EPM2A: variants seen among roughly 807,000 people sequenced by gnomAD.
The protein encoded by EPM2A is laforin.
In EPM2A, 21 loss-of-function variants were observed where a neutral mutation model predicts 26.5. The ratio of observed to expected loss-of-function variants is 0.79; its 90% CI spans 0.56 to 1.14. EPM2A has a LOEUF of 1.14. Among genes scored for constraint, EPM2A ranks in the 50% most tolerant of loss-of-function variants. The probability of loss-of-function intolerance (pLI) is 0.00; values close to 1 mark genes in which losing one functional copy is unlikely to be tolerated. For missense variants in EPM2A, 458 were observed against 440.8 expected, an observed-to-expected ratio of 1.04 and a Z score of -0.35; for synonymous variants, 217 against 177.6, an observed-to-expected ratio of 1.22 and a Z score of -1.76.
At chr6:145,668,895 T>C (rs1374927731) in intron 2 of EPM2A, among the ~76,000 whole-genome samples, 1 of 152,184 alleles carries the variant, frequency 6.6e-6, no homozygotes, top group Non-Finnish European at 1.5e-5. Flanking sequence ...AAACACACCA[T>C]ATGGTCTTTG....
rs1349518656 is a variant in EPM2A, at chr6:145,670,972, A to G, written c.476+15150T>C. The G allele has an allele frequency of 1.8e-5, 18 of 983,954 alleles. 1 individual carries two copies. 61.0% of individuals were successfully genotyped at this position (983,954 alleles called of 1,614,324 possible). On this transcript the variant is annotated intron_variant, in intron 2 of 3. Coordinates refer to ENST00000367519, the MANE Select transcript of EPM2A (RefSeq NM_005670.4). ...TTTTCCTTTCCTACTGATATGAACA[A>G]TTGTAATCTTGGTCTTAAGATTTAA... is the stretch of plus-strand genomic sequence containing the variant.
In EPM2A at chr6:145,582,352, G is replaced by T. The variant is rs183088554; in HGVS notation, c.340+52893C>A. On this transcript the variant is annotated intron_variant, in intron 2 of 3. Coordinates refer to the EPM2A transcript ENST00000450221. ...TAAATTTGCTGAGAATTGTCTAATG[G>T]CTAATTATGTGGCCAATTTTAGAGT... Among the ~76,000 whole-genome samples the T allele has an allele frequency of 6.6e-5, 10 of 152,198 alleles. No homozygotes were observed. In the East Asian group the frequency reaches 7.7e-4, roughly 12 times the overall value.
At chr6:145,570,046 T>C (rs1396079096) in intron 2 of EPM2A, among the ~76,000 whole-genome samples, 1 of 152,032 alleles carries the variant, frequency 6.6e-6, no homozygotes, top group Admixed American at 6.5e-5. Flanking sequence ...GCTAGGCCAG[T>C]CTCTGTTTTC....
chr6:145,669,996 G>A (rs1413224317), intron 2 of EPM2A, among the ~76,000 whole-genome samples: 1 of 152,050 alleles, frequency 6.6e-6, no homozygotes, highest in Non-Finnish European at 1.5e-5. Flanking sequence ...TCAACCTACT[G>A]GATCCATGTC....
At chr6:145,513,934 A>G (rs1338765535) in intron 2 of EPM2A, among the ~76,000 whole-genome samples, 4 of 152,174 alleles carry the variant, frequency 2.6e-5, no homozygotes, top group Admixed American at 2.6e-4. Context: ...GTCCAATGCA[A>G]ATAGGCAAGG....
chr6:145,735,175 G>A, intron 1 of EPM2A, 23 bp downstream of exon 1: 1 of 1,474,504 alleles, frequency 6.8e-7, no homozygotes, highest in Non-Finnish European at 9.1e-7. Context: ...TCTGCGCCGG[G>A]GGCAGGCGTC....
chr6:145,463,552 T>G (rs1208272002), intron 4 of EPM2A, among the ~76,000 whole-genome samples: 1 of 149,800 alleles, frequency 6.7e-6, no homozygotes, highest in Non-Finnish European at 1.5e-5. Context: ...TATCACAATT[T>G]ACTTTTTCCA....
chr6:145,600,943 T>G (rs908450589), intron 2 of EPM2A, among the ~76,000 whole-genome samples: 3 of 152,226 alleles, frequency 2.0e-5, no homozygotes, highest in Non-Finnish European at 2.9e-5. Flanking sequence ...CAGAGGGTCA[T>G]GGCTGTACCC....
intron 4 of EPM2A, among the ~76,000 whole-genome samples, chr6:145,463,960 G>T (rs1017687674): frequency 2.0e-5 from 3 of 152,108 alleles, no homozygotes; most frequent in African/African-American, 7.2e-5. Flanking sequence ...ATTGGATCAT[G>T]GGGGCTGTTT....
At chr6:145,555,603 C>T (rs1476619566) in intron 2 of EPM2A, among the ~76,000 whole-genome samples, 1 of 152,096 alleles carries the variant, frequency 6.6e-6, no homozygotes, top group African/African-American at 2.4e-5. Flanking sequence ...AATCTGCAAA[C>T]AAAATCTCTA....
At chr6:145,728,537 T>C (rs572407935) in intron 1 of EPM2A, among the ~76,000 whole-genome samples, 2 of 152,310 alleles carry the variant, frequency 1.3e-5, no homozygotes, top group South Asian at 4.1e-4. Context: ...TTTGTGGAAA[T>C]CTGAACTTGA....
intron 1 of EPM2A, among the ~76,000 whole-genome samples, chr6:145,707,039 GA>G (rs1272520454): frequency 6.6e-6 from 1 of 152,090 alleles, no homozygotes; most frequent in Non-Finnish European, 1.5e-5. Context: ...TATTATTTTG[GA>G]AACAAAGAGA....
chr6:145,490,525 C>T (rs1779740658), intron 4 of EPM2A: 1 of 717,074 alleles, frequency 1.4e-6, no homozygotes, highest in African/African-American at 1.7e-5. Flanking sequence ...ACAGTACTGA[C>T]ATACATAAAC....
intron 2 of EPM2A, among the ~76,000 whole-genome samples, chr6:145,511,660 G>A (rs1337107917): frequency 6.6e-6 from 1 of 151,810 alleles, no homozygotes; most frequent in Non-Finnish European, 1.5e-5. Context: ...ATGGGGAAAA[G>A]TTGAAAGCAA....
intron 4 of EPM2A, among the ~76,000 whole-genome samples, chr6:145,432,668 T>C (rs1195594652): frequency 1.3e-5 from 2 of 152,178 alleles, no homozygotes; most frequent in South Asian, 4.1e-4. Flanking sequence ...GAATGGTAAA[T>C]GAGTATTGTC....
At chr6:145,627,811 A>C in intron 3 of EPM2A, 118 bp from the exon 4 acceptor site, 1 of 1,425,862 alleles carries the variant, frequency 7.0e-7, no homozygotes. Flanking sequence ...CAGGGATACG[A>C]GAGTTTGCTT....
At chr6:145,664,455 G>A (rs370662215) in intron 2 of EPM2A, among the ~76,000 whole-genome samples, 1 of 133,904 alleles carries the variant, frequency 7.5e-6, no homozygotes, top group Non-Finnish European at 1.6e-5. Context: ...TTCAACAAGA[G>A]GAGCTAACTA....
intron 4 of EPM2A, among the ~76,000 whole-genome samples, chr6:145,476,064 AAGGG>A (rs1353818879): frequency 6.6e-6 from 1 of 152,084 alleles, no homozygotes; most frequent in Non-Finnish European, 1.5e-5. Context: ...ACTGAAAATA[AAGGG>A]ATGGAAAAAC....
intron 1 of EPM2A, among the ~76,000 whole-genome samples, chr6:145,719,244 TG>T (rs1188406428): frequency 6.7e-6 from 1 of 149,582 alleles, no homozygotes; most frequent in Non-Finnish European, 1.5e-5. Flanking sequence ...AATGATAGAC[TG>T]GATTAAGAAA....
Sources: allele counts gnomAD v4.1 joint callset (sites outside exome capture counted in the v4.1 genomes callset), GRCh38; gene constraint gnomAD v4.1.1; transcripts MANE v1.5; gene names NCBI Gene and HGNC (gene_info 2026-07-23, HGNC 2026-07-21).